Variants in AKAP19 observed in about 807,000 individuals in gnomAD.
The protein encoded by AKAP19 is A-kinase anchoring protein 19.
the AKAP19 span, among the ~76,000 whole-genome samples, chr2:190,011,917 C>T: frequency 1.3e-5 from 2 of 151,266 alleles, no homozygotes; most frequent in Non-Finnish European, 2.9e-5. Flanking sequence ...TATTCATAGT[C>T]TTTTTTGGTT....
At chr2:190,094,594 A>AT in the AKAP19 span, among the ~76,000 whole-genome samples, 1 of 152,160 alleles carries the variant, frequency 6.6e-6, no homozygotes, top group East Asian at 1.9e-4. Context: ...GTATTACTTG[A>AT]TTTTTTATTT....
chr2:189,910,314 G>A, the AKAP19 span, among the ~76,000 whole-genome samples: 1 of 152,012 alleles, frequency 6.6e-6, no homozygotes, highest in African/African-American at 2.4e-5. Flanking sequence ...AAGGATAACA[G>A]TTGCAGCCTT....
At chr2:189,959,838 G>T in the AKAP19 span, among the ~76,000 whole-genome samples, 1 of 152,110 alleles carries the variant, frequency 6.6e-6, no homozygotes. Flanking sequence ...ACAGTTTTTT[G>T]AGTAGGTAAT....
chr2:190,111,338 A>G, the AKAP19 span, among the ~76,000 whole-genome samples: 1 of 152,118 alleles, frequency 6.6e-6, no homozygotes, highest in East Asian at 1.9e-4. Flanking sequence ...GAGTCCCAAT[A>G]CTGGGACTCA....
the AKAP19 span, among the ~76,000 whole-genome samples, chr2:189,953,649 A>C: frequency 0.59 from 84,678 of 144,150 alleles, 28,463 homozygotes; most frequent in South Asian, 0.76. Context: ...AAAAAAAAAA[A>C]AAAAAAAAAA....
At chr2:190,095,251 T>C in the AKAP19 span, among the ~76,000 whole-genome samples, 1 of 152,066 alleles carries the variant, frequency 6.6e-6, no homozygotes, top group East Asian at 1.9e-4. Context: ...AGGACAATGA[T>C]CCATGAAAAG....
chr2:190,097,033 C>A, the AKAP19 span, among the ~76,000 whole-genome samples: 2 of 152,136 alleles, frequency 1.3e-5, no homozygotes, highest in Admixed American at 1.3e-4. Flanking sequence ...CAAACCAGAG[C>A]AATTCCCTTC....
At chr2:190,134,922 A>G in the AKAP19 span, among the ~76,000 whole-genome samples, 3 of 152,064 alleles carry the variant, frequency 2.0e-5, no homozygotes, top group South Asian at 2.1e-4. Context: ...ATATATTCCT[A>G]TAAGTAGAAT....
At chr2:189,901,691 GGA>G in the AKAP19 span, among the ~76,000 whole-genome samples, 1 of 152,124 alleles carries the variant, frequency 6.6e-6, no homozygotes, top group Non-Finnish European at 1.5e-5. Flanking sequence ...GGTATAAGAA[GGA>G]ACATGGGTAT....
the AKAP19 span, among the ~76,000 whole-genome samples, chr2:189,969,633 G>A: frequency 6.6e-6 from 1 of 150,926 alleles, no homozygotes; most frequent in African/African-American, 2.4e-5. Context: ...GGGAGGCTGA[G>A]GGAGAAAGTT....
the AKAP19 span, among the ~76,000 whole-genome samples, chr2:190,102,551 G>A: frequency 6.6e-6 from 1 of 152,116 alleles, no homozygotes; most frequent in African/African-American, 2.4e-5. Flanking sequence ...AGACTACTAT[G>A]AACTCCTCTA....
chr2:190,093,437 A>T, the AKAP19 span, among the ~76,000 whole-genome samples: 10 of 152,136 alleles, frequency 6.6e-5, no homozygotes, highest in African/African-American at 2.4e-4. Flanking sequence ...TGTCTCAAAA[A>T]AAAAAGAAAA....
the AKAP19 span, among the ~76,000 whole-genome samples, chr2:190,199,266 G>A: frequency 6.6e-6 from 1 of 152,168 alleles, no homozygotes; most frequent in Non-Finnish European, 1.5e-5. Context: ...GGGCCACATG[G>A]TCTGTCACAG....
At chr2:190,122,107 G>T in the AKAP19 span, among the ~76,000 whole-genome samples, 2 of 152,142 alleles carry the variant, frequency 1.3e-5, no homozygotes, top group Non-Finnish European at 1.5e-5. Context: ...CAATAAAATG[G>T]CAAAGTACTT....
the AKAP19 span, among the ~76,000 whole-genome samples, chr2:189,908,104 G>T: frequency 6.6e-6 from 1 of 151,148 alleles, no homozygotes; most frequent in African/African-American, 2.4e-5. Flanking sequence ...TTTAGGCTTA[G>T]TTTGTCTTTC....
chr2:189,897,599 A>G, the AKAP19 span, among the ~76,000 whole-genome samples: 1 of 152,144 alleles, frequency 6.6e-6, no homozygotes, highest in Non-Finnish European at 1.5e-5. Flanking sequence ...TTCTTCTTAG[A>G]TCCTTCTCTT....
the AKAP19 span, among the ~76,000 whole-genome samples, chr2:190,135,055 A>T: frequency 2.0e-5 from 3 of 152,194 alleles, no homozygotes; most frequent in East Asian, 5.8e-4. Flanking sequence ...TCACCACTTT[A>T]ATAATCAAAA....
At chr2:190,170,451 C>T in the AKAP19 span, among the ~76,000 whole-genome samples, 2 of 152,218 alleles carry the variant, frequency 1.3e-5, no homozygotes, top group Non-Finnish European at 2.9e-5. Flanking sequence ...GCTCTCTGAA[C>T]TGTTTCTTCA....
At chr2:189,998,007 T>C in the AKAP19 span, among the ~76,000 whole-genome samples, 1 of 152,190 alleles carries the variant, frequency 6.6e-6, no homozygotes, top group African/African-American at 2.4e-5. Context: ...TTTACTTTTA[T>C]ATTTTGTGCT....
Sources: gnomAD v4.1 joint callset for allele counts (sites outside exome capture counted in the v4.1 genomes callset) on GRCh38, gnomAD v4.1.1 for gene constraint, MANE v1.5 for transcripts, NCBI Gene and HGNC (gene_info 2026-07-23, HGNC 2026-07-21) for gene names.